Variants in TUBB6 observed in about 807,000 individuals in gnomAD.
TUBB6 encodes tubulin beta-6 chain.
In TUBB6, 18 loss-of-function variants were observed where a neutral mutation model predicts 32.3. The observed-to-expected ratio is 0.56, with a 90% CI of 0.39 to 0.83. The LOEUF is 0.83. Ranked by LOEUF, TUBB6 falls within the 40% of genes least tolerant of loss-of-function variation. The probability of loss-of-function intolerance (pLI) is 0.00; values close to 1 mark genes in which losing one functional copy is unlikely to be tolerated. For synonymous variants in TUBB6, 280 were observed against 265.8 expected, an observed-to-expected ratio of 1.05 and a Z score of -0.52; for missense variants, 480 against 632.0, an observed-to-expected ratio of 0.76 and a Z score of 2.58.
At chr18:12,318,679 A>G (rs1187841224) in intron 3 of TUBB6, among the ~76,000 whole-genome samples, 1 of 152,062 alleles carries the variant, frequency 6.6e-6, no homozygotes, top group East Asian at 1.9e-4. Flanking sequence ...AGACAAGTGC[A>G]AGGGCCCTCT....
rs1235810960 is a variant in TUBB6 at position 12,326,451 on chromosome 18, AAC to A, written c.*323_*324del. On this transcript the variant is annotated 3_prime_UTR_variant, in exon 4 of 4. Transcript: ENST00000317702. ...GTCTGCAAATTAGGAGGGAGTTAGAAACAGTCTTTTTCATCCTTTGTGATGAA... is the reference window on the plus strand; with the variant it reads ...GTCTGCAAATTAGGAGGGAGTTAGAAAGTCTTTTTCATCCTTTGTGATGAA... The A allele has an allele frequency of 1.1e-4, 34 of 319,304 alleles. 1 individual carries two copies. In the Admixed American group the frequency reaches 1.6e-3, roughly 15 times the overall value. 19.8% of individuals were successfully genotyped at this position (319,304 alleles called of 1,614,324 possible).
chr18:12,328,670 C>T (rs1907413342), downstream of TUBB6, among the ~76,000 whole-genome samples: 1 of 152,226 alleles, frequency 6.6e-6, no homozygotes, highest in Non-Finnish European at 1.5e-5. Flanking sequence ...GTGTGGCCAA[C>T]ATCTGGCCAT....
chr18:12,311,837 A>G (rs1162016840), intron 3 of TUBB6, among the ~76,000 whole-genome samples: 1 of 152,186 alleles, frequency 6.6e-6, no homozygotes, highest in Non-Finnish European at 1.5e-5. Context: ...CATTAGTGTT[A>G]TCAAGTAGAA....
intron 3 of TUBB6, among the ~76,000 whole-genome samples, chr18:12,319,656 T>A (rs1906874900): frequency 6.6e-6 from 1 of 152,160 alleles, no homozygotes; most frequent in Non-Finnish European, 1.5e-5. Context: ...CATTTTAAAA[T>A]TTTTCATTAA....
downstream of TUBB6, among the ~76,000 whole-genome samples, chr18:12,327,327 G>C (rs780223331): frequency 2.0e-5 from 3 of 152,198 alleles, no homozygotes; most frequent in African/African-American, 4.8e-5. Flanking sequence ...CAGGGAATAA[G>C]AGACAGACAA....
intron 1 of TUBB6, 152 bp downstream of exon 1, chr18:12,308,501 G>A (rs763419532): frequency 3.4e-5 from 25 of 738,872 alleles, no homozygotes; most frequent in Non-Finnish European, 5.0e-5. Context: ...GGGAGGGAGC[G>A]CCCGGGGCGT....
Position 12,308,354 on chromosome 18 carries a change from G to A in TUBB6, c.57+5G>A. 2 of 1,467,018 alleles carry A rather than the reference G, an allele frequency of 1.4e-6. No homozygotes were observed. Among genetic ancestry groups the A allele is most frequent in the South Asian group, 1.3e-5 (1 of 76,154 alleles). The allele number at this position is 1,467,018 out of a possible 1,614,324, so 90.9% of individuals were successfully genotyped here. Reference sequence around the variant, plus strand: ...GGGAACCAGATCGGCACCAAGGTGGGCCTGGCGCGGTGCAGGGCCTCTCCG... The same window carrying A: ...GGGAACCAGATCGGCACCAAGGTGGACCTGGCGCGGTGCAGGGCCTCTCCG... On this transcript the variant is annotated splice_donor_5th_base_variant and intron_variant, in intron 1 of 3. Transcript: ENST00000317702.
intron 3 of TUBB6, among the ~76,000 whole-genome samples, chr18:12,318,312 A>G (rs944331793): frequency 1.3e-5 from 2 of 150,894 alleles, no homozygotes; most frequent in Admixed American, 1.3e-4. Flanking sequence ...GACGGTGACC[A>G]TTTTCTCGCC....
downstream of TUBB6, among the ~76,000 whole-genome samples, chr18:12,328,445 C>T (rs1190713185): frequency 1.3e-5 from 2 of 152,250 alleles, no homozygotes; most frequent in East Asian, 3.8e-4. Context: ...TGCAACACTA[C>T]AGACTCACTT....
intron 2 of TUBB6, among the ~76,000 whole-genome samples, chr18:12,310,551 C>T (rs1906319689): frequency 6.6e-6 from 1 of 151,558 alleles, no homozygotes; most frequent in Non-Finnish European, 1.5e-5. Flanking sequence ...CCATGGCTCA[C>T]TGCAGTCTTG....
At chr18:12,329,428 C>T (rs1907441203), downstream of TUBB6, 1 of 949,686 alleles carries the variant, frequency 1.1e-6, no homozygotes, top group African/African-American at 1.6e-5. Context: ...ACTAAGGACT[C>T]CTTTCCCCAT....
At chr18:12,319,691 C>T (rs1906876831) in intron 3 of TUBB6, among the ~76,000 whole-genome samples, 1 of 152,172 alleles carries the variant, frequency 6.6e-6, no homozygotes, top group Non-Finnish European at 1.5e-5. Context: ...CAGGCGTTCA[C>T]ACCTGCCATC....
At chr18:12,324,330 A>C (rs1682441700) in intron 3 of TUBB6, among the ~76,000 whole-genome samples, 1 of 152,148 alleles carries the variant, frequency 6.6e-6, no homozygotes, top group Admixed American at 6.5e-5. Flanking sequence ...AGATTGCGCC[A>C]CTGCACTCCA....
Position 12,325,348 on chromosome 18 carries a change from C to T in TUBB6, c.559C>T (p.Leu187=), listed in dbSNP as rs1430511879. 1.2e-6 allele frequency: 2 copies of T among 1,614,248 alleles called. No homozygotes were observed. Among genetic ancestry groups the T allele is most frequent in the East Asian group, 2.2e-5 (1 of 44,888 alleles). ...GGTGGTGGAGCCCTACAATGCCACA[C>T]TGTCGGTGCACCAGCTGGTGGAGAA... ...DTVVEPYNAT[L]SVHQLVENTD... The change falls in exon 4 of 4, where the codon CTG becomes TTG. Residue 187 remains leucine (L), a synonymous_variant. Transcript: ENST00000317702.
At chr18:12,318,415 T>TA (rs1906788412) in intron 3 of TUBB6, among the ~76,000 whole-genome samples, 1 of 148,374 alleles carries the variant, frequency 6.7e-6, no homozygotes, top group African/African-American at 2.5e-5. Context: ...AGTCACATAC[T>TA]AGATGCTGTC....
intron 3 of TUBB6, among the ~76,000 whole-genome samples, chr18:12,316,907 C>T (rs913591663): frequency 6.6e-6 from 1 of 152,184 alleles, no homozygotes. Flanking sequence ...ACCTGTAATT[C>T]CAGCACTTTG....
intron 3 of TUBB6, among the ~76,000 whole-genome samples, chr18:12,319,772 AAGGG>A (rs1906881987): frequency 6.6e-6 from 1 of 151,988 alleles, no homozygotes; most frequent in Non-Finnish European, 1.5e-5. Flanking sequence ...TGGACAACAT[AAGGG>A]GACCCTCTCT....
chr18:12,318,324 A>G (rs1245513946), intron 3 of TUBB6, among the ~76,000 whole-genome samples: 1 of 151,050 alleles, frequency 6.6e-6, no homozygotes, highest in Non-Finnish European at 1.5e-5. Context: ...TTTCTCGCCT[A>G]CTAAGAGAAG....
intron 3 of TUBB6, among the ~76,000 whole-genome samples, chr18:12,316,447 C>T (rs772775222): frequency 1.3e-5 from 2 of 152,170 alleles, no homozygotes; most frequent in Non-Finnish European, 2.9e-5. Context: ...AAACTGTCCC[C>T]GAAATTGCTT....
Sources: gnomAD v4.1 joint callset for allele counts (sites outside exome capture counted in the v4.1 genomes callset) on GRCh38, gnomAD v4.1.1 for gene constraint, MANE v1.5 for transcripts, NCBI Gene and HGNC (gene_info 2026-07-23, HGNC 2026-07-21) for gene names.